The following CACNA1C variants were observed in gnomAD, a reference collection of about 807,000 sequenced individuals.
The protein encoded by CACNA1C is voltage-dependent L-type calcium channel subunit alpha-1C.
In CACNA1C, 30 loss-of-function variants were observed where a neutral mutation model predicts 229.0. The ratio of observed to expected loss-of-function variants is 0.13; its 90% CI spans 0.10 to 0.18. CACNA1C has a LOEUF of 0.18. Ranked by LOEUF, CACNA1C falls within the 10% of genes least tolerant of loss-of-function variation. The pLI, the probability that CACNA1C is intolerant of heterozygous loss-of-function variation, is 1.00. For missense variants in CACNA1C, 1,658 were observed against 2,845.0 expected (o/e 0.58, Z 9.49); for synonymous variants, 1,114 against 1,132.5 (o/e 0.98, Z 0.33).
At chr12:2,304,332 C>T (rs962763042) in intron 3 of CACNA1C, among the ~76,000 whole-genome samples, 2 of 152,134 alleles carry the variant, frequency 1.3e-5, no homozygotes, top group African/African-American at 4.8e-5. Flanking sequence ...CTTGCAGTTC[C>T]TTTCCTTCCT....
At chr12:2,171,246 A>G (rs2096464593) in intron 3 of CACNA1C, among the ~76,000 whole-genome samples, 1 of 152,186 alleles carries the variant, frequency 6.6e-6, no homozygotes, top group Admixed American at 6.5e-5. Context: ...ATGGAACAGG[A>G]CTTGCCTTGG....
chr12:2,573,203 A>T (rs1046877701), intron 13 of CACNA1C, among the ~76,000 whole-genome samples: 2 of 152,112 alleles, frequency 1.3e-5, no homozygotes, highest in Non-Finnish European at 2.9e-5. Flanking sequence ...TATAAGTGCC[A>T]TGTCTGGCTA....
At chr12:2,534,282 G>T (rs577764723) in intron 9 of CACNA1C, among the ~76,000 whole-genome samples, 2 of 152,164 alleles carry the variant, frequency 1.3e-5, no homozygotes, top group African/African-American at 4.8e-5. Context: ...ATCAGAGGGC[G>T]AATGCTGGAA....
chr12:2,242,290 A>G (rs1173939752), intron 3 of CACNA1C, among the ~76,000 whole-genome samples: 1 of 152,214 alleles, frequency 6.6e-6, no homozygotes, highest in Non-Finnish European at 1.5e-5. Flanking sequence ...CCGCAGAAAC[A>G]TACTCACTTC....
At chr12:2,460,064 TCTTCTGCACTCAGCTGGA>T (rs2099489273) in intron 5 of CACNA1C, among the ~76,000 whole-genome samples, 1 of 152,226 alleles carries the variant, frequency 6.6e-6, no homozygotes, top group Non-Finnish European at 1.5e-5. Flanking sequence ...CAGCTGCAGC[TCTTCTGCACTCAGCTGGA>T]CTCTGGGCTT....
intron 1 of CACNA1C, among the ~76,000 whole-genome samples, chr12:2,042,187 G>A (rs2050226388): frequency 6.6e-6 from 1 of 151,822 alleles, no homozygotes; most frequent in Non-Finnish European, 1.5e-5. Flanking sequence ...TTTCTCCTTG[G>A]ATACATATTT....
At chr12:2,648,631 G>T (rs946080093) in intron 31 of CACNA1C, 124 bp downstream of exon 31, 13 of 789,552 alleles carry the variant, frequency 1.6e-5, no homozygotes, top group Non-Finnish European at 6.7e-6. Context: ...TGTGGCCACT[G>T]TGTCTGCCGT....
At chr12:2,655,853 A>G (rs1346302581) in intron 34 of CACNA1C, among the ~76,000 whole-genome samples, 1 of 152,258 alleles carries the variant, frequency 6.6e-6, no homozygotes, top group Non-Finnish European at 1.5e-5. Flanking sequence ...CCACATGATC[A>G]TCTCAATAGA....
In CACNA1C at chr12:2,504,879, A is replaced by G. The variant is rs752205939; in HGVS notation, c.1151A>G (p.Tyr384Cys). The change falls in exon 8 of 47, where the codon TAT becomes TGT. Residue 384 changes from tyrosine to cysteine, a missense_variant. Tyr to Cys is a radical substitution (Grantham distance 194, BLOSUM62 -2). Transcript: ENST00000399655. The surrounding 1 kb of genome is among the most constrained non-coding windows in gnomAD (Gnocchi z 6.8). Reference protein sequence around the residue: ...DAVGRDWPWIYFVTLIIIGSF... With the variant: ...DAVGRDWPWICFVTLIIIGSF... ...GTAGGAAGGGACTGGCCCTGGATCT[A>G]TTTTGTTACACTAATCATCATAGGG... 11 of 1,607,492 alleles carry G rather than the reference A, an allele frequency of 6.8e-6. No individual in the cohort carries two copies. The highest frequency in any genetic ancestry group is 1.1e-5 in the South Asian group (1 of 90,848).
chr12:2,049,527 G>C (rs148527593), upstream of CACNA1C: 2 of 152,230 alleles, frequency 1.3e-5, no homozygotes, highest in African/African-American at 4.8e-5. Flanking sequence ...ATCTTTTCCA[G>C]AGTGAATCAT....
At chr12:2,510,799 AAGAC>A (rs2099781976) in intron 8 of CACNA1C, among the ~76,000 whole-genome samples, 1 of 152,198 alleles carries the variant, frequency 6.6e-6, no homozygotes, top group Non-Finnish European at 1.5e-5. Context: ...GGTAGACAGA[AAGAC>A]AGTCAAGAGA....
intron 30 of CACNA1C, among the ~76,000 whole-genome samples, chr12:2,644,407 T>C (rs907639464): frequency 6.6e-6 from 1 of 152,210 alleles, no homozygotes; most frequent in African/African-American, 2.4e-5. Context: ...TATTCCAGCC[T>C]AGAGATCTAC....
chr12:2,109,452 T>C lies in CACNA1C; in HGVS notation c.50-5772T>C, dbSNP rs551335348. ...ACATTCTAAGTACATGCAAAGGCAC[T>C]GCGGCAGGCAAGAGCTGAGCATGTC... On this transcript the variant is annotated intron_variant, in intron 1 of 46. Coordinates refer to ENST00000399655, the MANE Select transcript of CACNA1C (RefSeq NM_000719.7). Among the ~76,000 whole-genome samples the C allele has an allele frequency of 1.6e-4, 25 of 152,308 alleles. No individual in the cohort carries two copies. The East Asian group carries it at 3.1e-3, about 19-fold the overall frequency.
chr12:2,492,971 C>G (rs1399612111), intron 6 of CACNA1C, among the ~76,000 whole-genome samples: 4 of 152,156 alleles, frequency 2.6e-5, no homozygotes, highest in African/African-American at 9.7e-5. Flanking sequence ...AAGGACTGAC[C>G]TTCTAAATTA....
At chr12:2,274,523 A>G (rs1466733093) in intron 3 of CACNA1C, among the ~76,000 whole-genome samples, 1 of 152,226 alleles carries the variant, frequency 6.6e-6, no homozygotes, top group South Asian at 2.1e-4. Flanking sequence ...GAGAGAGAAC[A>G]GTGACGGTGA....
intron 5 of CACNA1C, among the ~76,000 whole-genome samples, chr12:2,468,456 G>A (rs574055011): frequency 1.3e-5 from 2 of 152,334 alleles, no homozygotes; most frequent in Non-Finnish European, 2.9e-5. Context: ...AGAAACACAG[G>A]GACGTTATCC....
intron 3 of CACNA1C, among the ~76,000 whole-genome samples, chr12:2,387,612 A>T (rs1567388454): frequency 2.0e-5 from 3 of 152,256 alleles, no homozygotes. Flanking sequence ...GCTAGGTTCC[A>T]TCCAGGGTTA....
intron 1 of CACNA1C, among the ~76,000 whole-genome samples, chr12:2,046,550 C>T (rs560747958): frequency 1.3e-5 from 2 of 152,212 alleles, no homozygotes; most frequent in Non-Finnish European, 2.9e-5. Context: ...ATGAATTCTC[C>T]CACCGGGAGA....
Position 2,597,561 on chromosome 12 carries a change from G to A in CACNA1C, c.2853+272G>A. On this transcript the variant is annotated intron_variant, in intron 21 of 46. Coordinates refer to ENST00000399655, the MANE Select transcript of CACNA1C (RefSeq NM_000719.7). This position sits in a 1 kb window ranked among gnomAD's most constrained non-coding sequence, Gnocchi z 4.3. ...TGTCTATCTCTGCTCTGTGTGGCTG[G>A]ATCTTTTGTCTTTTCTGTTTCTTTC... is the stretch of plus-strand genomic sequence containing the variant. The A allele has an allele frequency of 9.5e-7, 1 of 1,050,182 alleles. No homozygotes were observed. Among genetic ancestry groups the A allele is most frequent in the Non-Finnish European group, 1.5e-6 (1 of 672,206 alleles). 65.1% of individuals were successfully genotyped at this position (1,050,182 alleles called of 1,614,324 possible). A position where few individuals can be genotyped will look rare whatever the true frequency, so the allele number is the denominator to read the frequency against.
Sources: gnomAD v4.1 joint callset for allele counts (sites outside exome capture counted in the v4.1 genomes callset) on GRCh38, gnomAD v4.1.1 for gene constraint, Gnocchi (gnomAD v3.1) non-coding constraint, MANE v1.5 for transcripts, NCBI Gene and HGNC (gene_info 2026-07-23, HGNC 2026-07-21) for gene names.